The following SPEN variants were observed in gnomAD, a reference collection of about 807,000 sequenced individuals.
SPEN encodes the protein spen family transcriptional repressor, also known as msx2-interacting protein.
In SPEN, 18 loss-of-function variants were observed where a neutral mutation model predicts 269.9. That is an observed-to-expected ratio of 0.07 (90% CI 0.05 to 0.10). The LOEUF (loss-of-function observed/expected upper bound fraction) is 0.10, where lower values mean the gene tolerates loss of function less well. SPEN is among the 10% of genes least tolerant of loss of function. The pLI is 1.00. For synonymous variants in SPEN, 1,726 were observed against 1,765.7 expected, an observed-to-expected ratio of 0.98 and a Z score of 0.56; for missense variants, 3,822 against 4,631.2, an observed-to-expected ratio of 0.83 and a Z score of 5.07.
Position 15,873,151 on chromosome 1 carries a change from T to G in SPEN, c.404+15T>G. On this transcript the variant is annotated intron_variant, in intron 2 of 14. Coordinates refer to ENST00000375759, the MANE Select transcript of SPEN (RefSeq NM_015001.3). ...AGACTTGATGGGTAAGTTCCAAGGTTTCTGTAGGCAGGTATTTTGTATTTG... is the reference window on the plus strand; with the variant it reads ...AGACTTGATGGGTAAGTTCCAAGGTGTCTGTAGGCAGGTATTTTGTATTTG... The G allele has an allele frequency of 6.3e-7, 1 of 1,582,540 alleles. No individual in the cohort carries two copies. The highest frequency in any genetic ancestry group is 8.6e-7 in the Non-Finnish European group (1 of 1,159,694).
rs1289804207 is a variant in SPEN, at chr1:15,929,391, A to C, written c.3151A>C (p.Lys1051Gln). Residue 1051 changes from lysine (K) to glutamine (Q), a missense_variant, in exon 11 of 15, where the codon AAA becomes CAA. Transcript: ENST00000375759. This position sits in a 1 kb window ranked among gnomAD's most constrained non-coding sequence, Gnocchi z 5.8. The stretch of plus-strand genomic sequence containing the variant: ...AGAAATTCTTAAAAGAGAATCTAAA[A>C]AAATCAAACTGGACAGACTTAATAC... ...RKEILKRESK[K>Q]IKLDRLNTVA... 30 of 1,613,030 alleles carry C rather than the reference A, an allele frequency of 1.9e-5. No homozygotes were observed. Among genetic ancestry groups the C allele is most frequent in the Non-Finnish European group, 2.5e-5 (30 of 1,179,762 alleles).
At chr1:15,919,091 G>T in intron 7 of SPEN, 40 bp downstream of exon 7, 1 of 1,578,368 alleles carries the variant, frequency 6.3e-7, no homozygotes, top group Non-Finnish European at 8.6e-7. Flanking sequence ...GTTATGATTT[G>T]CTTTGTTTTT....
At position 15,928,841 on chromosome 1, in the gene SPEN, A is replaced by G; in HGVS notation, c.2601A>G (p.Ile867Met). The G allele has an allele frequency of 6.2e-7, 1 of 1,614,140 alleles. No homozygotes were observed. Among genetic ancestry groups the G allele is most frequent in the Non-Finnish European group, 8.5e-7 (1 of 1,179,976 alleles). Residue 867 changes from isoleucine to methionine, a missense_variant, in exon 11 of 15, where the codon ATA becomes ATG. Physicochemically the swap from Ile to Met is conservative, Grantham distance 10. Coordinates refer to ENST00000375759, the MANE Select transcript of SPEN (RefSeq NM_015001.3). This position sits in a 1 kb window ranked among gnomAD's most constrained non-coding sequence, Gnocchi z 5.7. ...GAGAGAAAGCTGACAAAGAGGGAAT[A>G]GCGAAAAACCGCCTGGAACTCATGC... Reference protein sequence around the residue: ...LSREKADKEGIAKNRLELMPC... With the variant: ...LSREKADKEGMAKNRLELMPC...
intron 10 of SPEN, among the ~76,000 whole-genome samples, chr1:15,924,601 C>T (rs748315804): frequency 6.6e-6 from 1 of 152,154 alleles, no homozygotes; most frequent in Non-Finnish European, 1.5e-5. Flanking sequence ...GCTGGAATTA[C>T]AGGCACGCAC....
intron 7 of SPEN, 64 bp downstream of exon 7, chr1:15,919,115 G>GTTT: frequency 1.5e-6 from 2 of 1,297,256 alleles, no homozygotes; most frequent in East Asian, 2.7e-5. Context: ...GACTTGAAGG[G>GTTT]TTTTTTTTTT....
At chr1:15,860,765 C>A (rs2070440254) in intron 1 of SPEN, among the ~76,000 whole-genome samples, 1 of 151,656 alleles carries the variant, frequency 6.6e-6, no homozygotes. Context: ...CGATGCCTGG[C>A]TAATTTTTTG....
chr1:15,872,516 C>T (rs1292726390), intron 1 of SPEN, among the ~76,000 whole-genome samples: 6 of 150,748 alleles, frequency 4.0e-5, no homozygotes, highest in Admixed American at 1.3e-4. Flanking sequence ...AGGAGAATGG[C>T]GTGAACCCCA....
chr1:15,855,171 G>T (rs1341718897), intron 1 of SPEN, among the ~76,000 whole-genome samples: 1 of 152,172 alleles, frequency 6.6e-6, no homozygotes, highest in Non-Finnish European at 1.5e-5. Flanking sequence ...TGTACCTGGT[G>T]CTAGATTTTT....
intron 3 of SPEN, among the ~76,000 whole-genome samples, chr1:15,894,533 G>GTT (rs35841965): frequency 1.2e-4 from 16 of 136,002 alleles, no homozygotes; most frequent in African/African-American, 4.5e-4. Context: ...CCATATTATG[G>GTT]TTGTTTTTTT....
rs779699872 is a variant in SPEN, at chr1:15,932,509, C to A, written c.6269C>A (p.Ser2090Tyr). ...SRNSRLAVDK[S>Y]ASLKNVDAAV... ...AACTCCAGGTTAGCAGTGGACAAAT[C>A]TGCAAGTCTGAAAAATGTGGATGCT... The change falls in exon 11 of 15, where the codon TCT becomes TAT. Residue 2090 changes from serine to tyrosine, a missense_variant. Physicochemically the swap from Ser to Tyr is moderately radical, Grantham distance 144. Around this residue, in one of 16 missense-constraint regions of SPEN, gnomAD observed 727 missense variants for 737.9 expected, o/e 0.99. Coordinates refer to ENST00000375759, the MANE Select transcript of SPEN (RefSeq NM_015001.3). The surrounding 1 kb of genome is among the most constrained non-coding windows in gnomAD (Gnocchi z 4.2). 1.2e-6 allele frequency: 2 copies of A among 1,602,920 alleles called. No homozygotes were observed. The highest frequency in any genetic ancestry group is 1.3e-5 in the African/African-American group (1 of 74,196).
intron 1 of SPEN, among the ~76,000 whole-genome samples, chr1:15,852,301 C>T (rs938800825): frequency 1.3e-5 from 2 of 152,080 alleles, no homozygotes; most frequent in Admixed American, 1.3e-4. Context: ...ACCCCCATCC[C>T]GTCTATGAAA....
chr1:15,933,070 C>G lies in SPEN; in HGVS notation c.6830C>G (p.Ala2277Gly). Residue 2277 changes from alanine to glycine, a missense_variant, in exon 11 of 15, where the codon GCT becomes GGT. This residue lies in a region of SPEN where 727 missense variants were observed against 737.9 expected (regional missense o/e 0.99). Coordinates refer to ENST00000375759, the MANE Select transcript of SPEN (RefSeq NM_015001.3). This position sits in a 1 kb window ranked among gnomAD's most constrained non-coding sequence, Gnocchi z 5.7. ...EAVSGILETE[A>G]ATESSRPPVN... ...GTATCTGGCATCCTGGAAACTGAGG[C>G]TGCTACAGAATCTTCTAGGCCTCCA... The G allele has an allele frequency of 6.2e-7, 1 of 1,614,124 alleles. No homozygotes were observed. The highest frequency in any genetic ancestry group is 1.3e-5 in the African/African-American group (1 of 75,056).
intron 3 of SPEN, among the ~76,000 whole-genome samples, chr1:15,898,801 G>C (rs536643354): frequency 6.6e-6 from 1 of 152,228 alleles, no homozygotes; most frequent in African/African-American, 2.4e-5. Context: ...GATCTCAGGT[G>C]ATCCGTCCAC....
In SPEN at chr1:15,935,200, C is replaced by G. The variant is rs372933509; in HGVS notation, c.8960C>G (p.Pro2987Arg). 6.2e-6 allele frequency: 10 copies of G among 1,614,038 alleles called. No individual in the cohort carries two copies. In the African/African-American group the frequency reaches 1.2e-4, roughly 19 times the overall value. The change falls in exon 11 of 15, where the codon CCT (proline) becomes CGT (arginine). Residue 2987 changes from proline to arginine, a missense_variant. By Grantham distance (103) the Pro-to-Arg change is moderately radical. This residue lies in a region of SPEN where 94 missense variants were observed against 90.4 expected (regional missense o/e 1.04). Transcript: ENST00000375759. This position sits in a 1 kb window ranked among gnomAD's most constrained non-coding sequence, Gnocchi z 7.7. ...NLGSTLTPHH[P>R]PALPSKLPTE... ...GGGTCCACGCTCACGCCCCACCACC[C>G]TCCTGCTCTGCCCAGCAAACTGCCT...
intron 1 of SPEN, among the ~76,000 whole-genome samples, chr1:15,863,050 C>T (rs979505674): frequency 7.2e-5 from 11 of 151,928 alleles, no homozygotes; most frequent in Admixed American, 2.0e-4. Context: ...TGTGAGCCAC[C>T]GCTCCCGGCC....
In SPEN at chr1:15,876,279, G is replaced by C; in HGVS notation, c.482G>C (p.Arg161Pro). The C allele has an allele frequency of 1.2e-6, 2 of 1,613,970 alleles. No homozygotes were observed. The highest frequency in any genetic ancestry group is 1.7e-6 in the Non-Finnish European group (2 of 1,180,006). ...GAACGGGGGACGGGAGGATTTGATC[G>C]GACAAGACATTACGATCAGGATTAC... Reference protein sequence around the residue: ...HHERGTGGFDRTRHYDQDYYR... With the variant: ...HHERGTGGFDPTRHYDQDYYR... Residue 161 changes from arginine (R) to proline (P), a missense_variant, in exon 3 of 15, where the codon CGG becomes CCG. Around this residue, in one of 16 missense-constraint regions of SPEN, gnomAD observed 327 missense variants for 350.8 expected, o/e 0.93. Coordinates refer to ENST00000375759, the MANE Select transcript of SPEN (RefSeq NM_015001.3).
At chr1:15,894,766 ACCTCCTGATCTG>A (rs1433564872) in intron 3 of SPEN, among the ~76,000 whole-genome samples, 2 of 151,182 alleles carry the variant, frequency 1.3e-5, no homozygotes, top group Admixed American at 1.3e-4. Flanking sequence ...GCTCGATCTG[ACCTCCTGATCTG>A]CCTGCCTTGG....
intron 9 of SPEN, among the ~76,000 whole-genome samples, 184 bp from the exon 10 acceptor site, chr1:15,922,065 A>G (rs2071124856): frequency 6.6e-6 from 1 of 152,196 alleles, no homozygotes; most frequent in African/African-American, 2.4e-5. Flanking sequence ...CACGGTTTAT[A>G]CAGAATTTGA....
intron 3 of SPEN, among the ~76,000 whole-genome samples, chr1:15,891,951 T>G (rs1222689855): frequency 6.6e-6 from 1 of 151,474 alleles, no homozygotes; most frequent in African/African-American, 2.4e-5. Context: ...TCAAATGATA[T>G]TTTGAATATA....
Sources: allele counts gnomAD v4.1 joint callset (sites outside exome capture counted in the v4.1 genomes callset), GRCh38; gene constraint gnomAD v4.1.1; regional missense constraint gnomAD v4.1.1; non-coding constraint Gnocchi (gnomAD v3.1); transcripts MANE v1.5; gene names NCBI Gene and HGNC (gene_info 2026-07-23, HGNC 2026-07-21).